Variants in TM9SF4 observed in about 807,000 individuals in gnomAD.
TM9SF4 encodes the protein transmembrane 9 superfamily member 4, also known as dinucleotide oxidase disulfide thiol exchanger 3 superfamily member 4.
A neutral mutation model predicts 90.4 loss-of-function variants in TM9SF4; 26 were observed. That is an observed-to-expected ratio of 0.29 (90% CI 0.21 to 0.40). The LOEUF (loss-of-function observed/expected upper bound fraction) is 0.40, where lower values mean the gene tolerates loss of function less well. Ranked by LOEUF, TM9SF4 falls within the 10% of genes least tolerant of loss-of-function variation. The pLI, the probability that TM9SF4 is intolerant of heterozygous loss-of-function variation, is 1.00. For synonymous variants in TM9SF4, 293 were observed against 315.4 expected, an observed-to-expected ratio of 0.93 and a Z score of 0.75; for missense variants, 549 against 834.8, an observed-to-expected ratio of 0.66 and a Z score of 4.22.
chr20:32,143,323 C>G (rs1038872835), intron 6 of TM9SF4, among the ~76,000 whole-genome samples: 6 of 152,184 alleles, frequency 3.9e-5, no homozygotes, highest in Non-Finnish European at 8.8e-5. Flanking sequence ...ACTAGTTTAC[C>G]CCTTCCCAGC....
At chr20:32,111,129 C>T (rs6121341) in intron 1 of TM9SF4, among the ~76,000 whole-genome samples, 1 of 152,078 alleles carries the variant, frequency 6.6e-6, no homozygotes, top group African/African-American at 2.4e-5. Flanking sequence ...TGAGGGATTC[C>T]TTATTTAGAA....
At chr20:32,134,661 T>G (rs2046569267) in intron 2 of TM9SF4, among the ~76,000 whole-genome samples, 2 of 152,008 alleles carry the variant, frequency 1.3e-5, no homozygotes, top group African/African-American at 4.8e-5. Flanking sequence ...AATCTGGAAA[T>G]TTTCTTTTTC....
chr20:32,154,769 T>TC (rs1475332598), intron 12 of TM9SF4, among the ~76,000 whole-genome samples: 3 of 152,164 alleles, frequency 2.0e-5, no homozygotes, highest in African/African-American at 7.2e-5. Context: ...GTTACCGTGT[T>TC]CTCAGTGATG....
intron 9 of TM9SF4, among the ~76,000 whole-genome samples, chr20:32,148,525 C>T (rs1186768400): frequency 6.6e-6 from 1 of 152,046 alleles, no homozygotes; most frequent in Non-Finnish European, 1.5e-5. Context: ...CAAGACCAGC[C>T]AGGGCAGCAT....
At chr20:32,114,099 A>G (rs2046187451) in intron 1 of TM9SF4, among the ~76,000 whole-genome samples, 1 of 152,174 alleles carries the variant, frequency 6.6e-6, no homozygotes, top group Non-Finnish European at 1.5e-5. Context: ...GTTGTTAGGT[A>G]TAATGCTGCT....
intron 1 of TM9SF4, among the ~76,000 whole-genome samples, chr20:32,127,063 C>G (rs1057369137): frequency 1.3e-5 from 2 of 152,176 alleles, no homozygotes; most frequent in African/African-American, 4.8e-5. Flanking sequence ...CTGGTTTGAA[C>G]ATGGGCTTTG....
chr20:32,112,697 A>G (rs2046162537), intron 1 of TM9SF4, among the ~76,000 whole-genome samples: 2 of 150,944 alleles, frequency 1.3e-5, no homozygotes, highest in South Asian at 4.2e-4. Flanking sequence ...CTATCTCAAA[A>G]AAAAAAAAAA....
Position 32,165,735 on chromosome 20 carries a change from G to C in TM9SF4, c.*291G>C. On this transcript the variant is annotated 3_prime_UTR_variant, in exon 18 of 18. Coordinates refer to ENST00000398022, the MANE Select transcript of TM9SF4 (RefSeq NM_014742.4). ...AACTCTCTGACCTGTTTATTCAGGT[G>C]TATTTCTGGTTTGGATTTTTTTTTC... The C allele has an allele frequency of 2.8e-6, 1 of 352,942 alleles. No individual in the cohort carries two copies. The highest frequency in any genetic ancestry group is 4.3e-5 in the South Asian group (1 of 23,004). The allele number at this position is 352,942 out of a possible 1,614,324, so 21.9% of individuals were successfully genotyped here.
intron 13 of TM9SF4, among the ~76,000 whole-genome samples, chr20:32,156,942 C>CTTTTTTGTTTTTT (rs2046932578): frequency 9.7e-6 from 1 of 103,502 alleles, no homozygotes; most frequent in African/African-American, 4.6e-5. Flanking sequence ...TGGACATTTT[C>CTTTTTTGTTTTTT]TTTTTTTTTT....
At chr20:32,142,364 T>C (rs1288566825) in intron 5 of TM9SF4, among the ~76,000 whole-genome samples, 2 of 152,224 alleles carry the variant, frequency 1.3e-5, no homozygotes, top group Non-Finnish European at 2.9e-5. Flanking sequence ...AATAATGTGA[T>C]GATTATAGCC....
chr20:32,146,920 A>G (rs773245052), intron 9 of TM9SF4, 65 bp downstream of exon 9: 1 of 1,449,228 alleles, frequency 6.9e-7, no homozygotes, highest in Non-Finnish European at 9.6e-7. Context: ...GTGTGTGTGC[A>G]TATGTTTGTG....
At chr20:32,136,437 C>G (rs1398180109) in intron 3 of TM9SF4, among the ~76,000 whole-genome samples, 1 of 152,132 alleles carries the variant, frequency 6.6e-6, no homozygotes, top group Non-Finnish European at 1.5e-5. Context: ...CCAGAGTGAT[C>G]TTTGTTTTGG....
intron 7 of TM9SF4, 21 bp from the exon 8 acceptor site, chr20:32,145,291 G>C: frequency 6.2e-7 from 1 of 1,613,634 alleles, no homozygotes. Context: ...CTGACTCTAA[G>C]TGCTTCCTCC....
At chr20:32,149,861 GA>G (rs2046816910) in intron 10 of TM9SF4, 95 bp downstream of exon 10, 2 of 1,533,642 alleles carry the variant, frequency 1.3e-6, no homozygotes, top group Non-Finnish European at 1.8e-6. Context: ...TGGAGAAAGG[GA>G]ACCAAGCTCC....
intron 1 of TM9SF4, among the ~76,000 whole-genome samples, chr20:32,114,146 A>G (rs1402076479): frequency 6.6e-6 from 1 of 152,194 alleles, no homozygotes; most frequent in Non-Finnish European, 1.5e-5. Context: ...GTGAACATAC[A>G]TTCAGTTTCC....
chr20:32,129,588 AAGT>A (rs2046480299), intron 1 of TM9SF4, among the ~76,000 whole-genome samples: 1 of 151,222 alleles, frequency 6.6e-6, no homozygotes, highest in Non-Finnish European at 1.5e-5. Context: ...TTACTATTGT[AAGT>A]AGTGAATTTT....
chr20:32,133,226 A>C, intron 2 of TM9SF4, 100 bp downstream of exon 2: 1 of 1,055,576 alleles, frequency 9.5e-7, no homozygotes, highest in Non-Finnish European at 1.4e-6. Flanking sequence ...CAGAGAAGAA[A>C]GAATAGTGCC....
At chr20:32,114,899 A>G (rs780351535) in intron 1 of TM9SF4, among the ~76,000 whole-genome samples, 1 of 152,252 alleles carries the variant, frequency 6.6e-6, no homozygotes, top group Admixed American at 6.5e-5. Flanking sequence ...TGTTTTCCAC[A>G]TATGTCATGT....
At chr20:32,118,696 C>T (rs1266390590) in intron 1 of TM9SF4, among the ~76,000 whole-genome samples, 4 of 151,706 alleles carry the variant, frequency 2.6e-5, no homozygotes, top group South Asian at 2.1e-4. Flanking sequence ...AGTGCAGTGG[C>T]GTGATTTCTG....
Sources: allele counts gnomAD v4.1 joint callset (sites outside exome capture counted in the v4.1 genomes callset), GRCh38; gene constraint gnomAD v4.1.1; transcripts MANE v1.5; gene names NCBI Gene and HGNC (gene_info 2026-07-23, HGNC 2026-07-21).